The following PCDH15 variants were observed in gnomAD, a reference collection of about 807,000 sequenced individuals.
PCDH15 encodes the protein protocadherin related 15, also known as protocadherin-15.
PCDH15 carries 129 observed loss-of-function variants against 178.5 expected under a neutral mutation model. That is an observed-to-expected ratio of 0.72 (90% confidence interval 0.63 to 0.84). The LOEUF is 0.84. PCDH15 is among the 40% of genes least tolerant of loss of function. The probability of loss-of-function intolerance (pLI) is 0.00; values close to 1 mark genes in which losing one functional copy is unlikely to be tolerated. For synonymous variants in PCDH15, 800 were observed against 732.0 expected (o/e 1.09, Z -1.50); for missense variants, 2,230 against 2,099.9 (o/e 1.06, Z -1.21).
In PCDH15 at chr10:54,022,982, A is replaced by C. The variant is rs1448817998; in HGVS notation, c.2436T>G (p.Ile812Met). 1.9e-6 allele frequency: 3 copies of C among 1,613,972 alleles called. No homozygotes were observed. The highest frequency in any genetic ancestry group is 3.3e-5 in the Admixed American group (2 of 60,002). The stretch of plus-strand genomic sequence containing the variant: ...TGGTGAACACAGGACTGTTATCATC[A>C]ATGTCCAAAACCTTGATGGCCAAGG... ...TLTLAIKVLDIDDNSPVFTNS... is the reference protein window; with the variant it reads ...TLTLAIKVLDMDDNSPVFTNS... Residue 812 changes from isoleucine (I) to methionine (M), a missense_variant, in exon 19 of 38, where the codon ATT becomes ATG. Transcript: ENST00000644397.
chr10:55,085,215 T>A (rs1842137786), intron 2 of PCDH15, among the ~76,000 whole-genome samples: 1 of 151,722 alleles, frequency 6.6e-6, no homozygotes, highest in South Asian at 2.1e-4. Flanking sequence ...GAAAAGGTGG[T>A]ATGGGTACTG....
intron 3 of PCDH15, among the ~76,000 whole-genome samples, chr10:54,488,575 T>C (rs2079306989): frequency 1.3e-5 from 2 of 151,946 alleles, no homozygotes; most frequent in African/African-American, 4.8e-5. Flanking sequence ...CTAAAAATTA[T>C]GTTAATATGG....
At chr10:54,712,672 C>T (rs573764943) in intron 1 of PCDH15, among the ~76,000 whole-genome samples, 10 of 151,942 alleles carry the variant, frequency 6.6e-5, no homozygotes, top group East Asian at 3.9e-4. Context: ...GTTCATATAG[C>T]CACGGAAAAT....
intron 2 of PCDH15, among the ~76,000 whole-genome samples, chr10:55,622,128 T>TA (rs1305095025): frequency 1.6e-5 from 1 of 64,126 alleles, no homozygotes; most frequent in African/African-American, 5.9e-5. Context: ...TAAATATATA[T>TA]ATTATATATA....
At chr10:54,925,496 T>A (rs930182172) in intron 2 of PCDH15, among the ~76,000 whole-genome samples, 3 of 152,192 alleles carry the variant, frequency 2.0e-5, no homozygotes, top group Non-Finnish European at 2.9e-5. Flanking sequence ...TCATTGGTAT[T>A]TCCATAGGAA....
At chr10:53,967,102 C>T (rs1005769876) in intron 21 of PCDH15, among the ~76,000 whole-genome samples, 1 of 152,108 alleles carries the variant, frequency 6.6e-6, no homozygotes, top group Non-Finnish European at 1.5e-5. Context: ...TTGGAGGGAC[C>T]TGGTGGGAGG....
intron 3 of PCDH15, among the ~76,000 whole-genome samples, chr10:54,842,220 G>C (rs892800657): frequency 1.3e-5 from 2 of 151,294 alleles, no homozygotes; most frequent in Non-Finnish European, 3.0e-5. Flanking sequence ...GAGAGAGAGA[G>C]AATATGAATA....
intron 1 of PCDH15, among the ~76,000 whole-genome samples, chr10:55,177,458 C>G (rs1303304087): frequency 6.6e-6 from 1 of 152,162 alleles, no homozygotes; most frequent in East Asian, 1.9e-4. Context: ...AAGATCCAGT[C>G]CAGCAGCCTG....
chr10:55,031,093 G>C (rs1332278858), intron 2 of PCDH15, among the ~76,000 whole-genome samples: 1 of 151,972 alleles, frequency 6.6e-6, no homozygotes, highest in Non-Finnish European at 1.5e-5. Context: ...TGATGACACT[G>C]TAAGATTTGT....
Position 53,995,724 on chromosome 10 carries a change from G to T in PCDH15, c.2793C>A (p.Tyr931Ter). ...DYPPVFSKRI[Y>*]KGMVAPDAVK... The stretch of plus-strand genomic sequence containing the variant: ...CTGCATCCGGAGCCACCATCCCTTT[G>T]TATATTCGTTTACTAAAGACAGGAG... Residue 931 changes from tyrosine to a stop codon, truncating the protein, a stop_gained, in exon 21 of 38, where the codon TAC (tyrosine) becomes TAA (stop). Transcript: ENST00000644397. LOFTEE classifies it high-confidence loss of function. The T allele has an allele frequency of 1.2e-6, 2 of 1,613,832 alleles. No individual in the cohort carries two copies. Among genetic ancestry groups the T allele is most frequent in the Non-Finnish European group, 1.7e-6 (2 of 1,179,802 alleles).
At chr10:53,828,715 A>G in intron 30 of PCDH15, 142 bp from the exon 31 acceptor site, 1 of 708,976 alleles carries the variant, frequency 1.4e-6, no homozygotes, top group Middle Eastern at 4.1e-4. Context: ...ACAGACTAAG[A>G]AAACTAAGGA....
intron 1 of PCDH15, among the ~76,000 whole-genome samples, chr10:54,779,451 C>CATA (rs1566221534): frequency 9.6e-6 from 1 of 103,722 alleles, no homozygotes; most frequent in African/African-American, 3.3e-5. Flanking sequence ...TATATATACA[C>CATA]TCATATATGT....
In PCDH15 at chr10:53,908,064, T is replaced by C. The variant is rs2082802872; in HGVS notation, c.3374-4694A>G. Among the ~76,000 whole-genome samples the C allele has an allele frequency of 2.0e-5, 3 of 152,164 alleles. No individual in the cohort carries two copies. The South Asian group carries it at 6.2e-4, about 31-fold the overall frequency. ...CTGCACTGGATTTTCAAAGAAAGCC[T>C]TACTGAATAAGAAGCCAATGAGTTA... is the stretch of plus-strand genomic sequence containing the variant. On this transcript the variant is annotated intron_variant, in intron 25 of 37. Coordinates refer to ENST00000644397, the MANE Select transcript of PCDH15 (RefSeq NM_001384140.1).
chr10:54,255,141 CT>C (rs763367257), intron 8 of PCDH15, among the ~76,000 whole-genome samples: 1 of 152,148 alleles, frequency 6.6e-6, no homozygotes, highest in African/African-American at 2.4e-5. Context: ...ACATGTCAGA[CT>C]TTTTTTATGT....
intron 26 of PCDH15, among the ~76,000 whole-genome samples, chr10:53,882,717 G>A (rs1460722297): frequency 6.6e-6 from 1 of 152,074 alleles, no homozygotes; most frequent in East Asian, 1.9e-4. Flanking sequence ...TGATGGAATT[G>A]TAATACACGC....
chr10:55,301,765 C>T (rs1299802357), intron 1 of PCDH15, among the ~76,000 whole-genome samples: 1 of 152,024 alleles, frequency 6.6e-6, no homozygotes, highest in African/African-American at 2.4e-5. Flanking sequence ...TAATGTTTTA[C>T]TAACTTTTGA....
intron 3 of PCDH15, among the ~76,000 whole-genome samples, chr10:54,384,173 A>T (rs973990059): frequency 5.3e-5 from 8 of 152,024 alleles, no homozygotes; most frequent in Non-Finnish European, 1.0e-4. Flanking sequence ...GATTGATTTG[A>T]AAAGATAAAA....
intron 2 of PCDH15, among the ~76,000 whole-genome samples, chr10:55,407,957 A>G (rs1193587525): frequency 6.6e-6 from 1 of 152,158 alleles, no homozygotes; most frequent in Non-Finnish European, 1.5e-5. Flanking sequence ...GTGGAGGAGA[A>G]CATGTAAGCT....
At position 53,831,326 on chromosome 10, in the gene PCDH15, G is replaced by T; in HGVS notation, c.4191C>A (p.Val1397=). ...CCTTGAATACTTACTGTCTGTAGCTGACCAAAACCACCAAGATGGCAGGAA... is the reference window on the plus strand; with the variant it reads ...CCTTGAATACTTACTGTCTGTAGCTTACCAAAACCACCAAGATGGCAGGAA... The part of the protein sequence containing the change: ...CCIPAILVVL[V]SYRQFKVRQA... Residue 1397 remains valine, a synonymous_variant, in exon 30 of 38, where the codon GTC becomes GTA. Transcript: ENST00000644397. 1 of 1,614,070 alleles carries T rather than the reference G, an allele frequency of 6.2e-7. No individual in the cohort carries two copies. The highest frequency in any genetic ancestry group is 1.1e-5 in the South Asian group (1 of 91,060).
Sources: allele counts gnomAD v4.1 joint callset (sites outside exome capture counted in the v4.1 genomes callset), GRCh38; gene constraint gnomAD v4.1.1; transcripts MANE v1.5; gene names NCBI Gene and HGNC (gene_info 2026-07-23, HGNC 2026-07-21).